The following SLCO3A1 variants were observed in gnomAD, a reference collection of about 807,000 sequenced individuals.
SLCO3A1 encodes the protein solute carrier organic anion transporter family member 3A1, also known as PGE1 transporter.
SLCO3A1 carries 27 observed loss-of-function variants against 63.1 expected under a neutral mutation model. That is an observed-to-expected ratio of 0.43 (90% CI 0.32 to 0.59). SLCO3A1 has a LOEUF of 0.59. Ranked by LOEUF, SLCO3A1 falls within the 20% of genes least tolerant of loss-of-function variation. The pLI is 0.09. For missense variants in SLCO3A1, 773 were observed against 945.8 expected, an observed-to-expected ratio of 0.82 and a Z score of 2.40; for synonymous variants, 473 against 409.9, an observed-to-expected ratio of 1.15 and a Z score of -1.86.
intron 2 of SLCO3A1, among the ~76,000 whole-genome samples, chr15:92,078,693 T>C (rs967833476): frequency 1.3e-5 from 2 of 152,242 alleles, no homozygotes; most frequent in African/African-American, 4.8e-5. Context: ...TCCCACTTAC[T>C]GTACATGTAT....
chr15:92,154,650 G>A (rs1022292493), intron 9 of SLCO3A1, among the ~76,000 whole-genome samples: 5 of 152,058 alleles, frequency 3.3e-5, no homozygotes, highest in African/African-American at 4.8e-5. Flanking sequence ...ATGTGAGATC[G>A]GTCTCCCTTG....
intron 7 of SLCO3A1, among the ~76,000 whole-genome samples, chr15:92,128,723 G>T (rs1047966063): frequency 1.3e-5 from 2 of 152,206 alleles, no homozygotes; most frequent in Non-Finnish European, 1.5e-5. Flanking sequence ...TTCAAAGGAA[G>T]CTGTATATAT....
At chr15:91,937,092 G>T (rs950149951) in intron 2 of SLCO3A1, among the ~76,000 whole-genome samples, 31 of 152,164 alleles carry the variant, frequency 2.0e-4, no homozygotes, top group Non-Finnish European at 4.1e-4. Context: ...ATGAGAAGTG[G>T]GTGAAGGGTG....
In SLCO3A1 at chr15:92,104,419, G is replaced by A. The variant is rs367922921; in HGVS notation, c.886G>A (p.Ala296Thr). ...PQSLPPHSEPAMESEQAMLSE... is the reference protein window; with the variant it reads ...PQSLPPHSEPTMESEQAMLSE... Reference sequence around the variant, plus strand: ...GTCCCTGCCCCCGCACTCAGAGCCCGCCATGGAAAGCGAGCAGGCCATGCT... The same window carrying A: ...GTCCCTGCCCCCGCACTCAGAGCCCACCATGGAAAGCGAGCAGGCCATGCT... Residue 296 changes from alanine to threonine, a missense_variant, in exon 4 of 10, where the codon GCC (alanine) becomes ACC (threonine). Around this residue, in one of 3 missense-constraint regions of SLCO3A1, gnomAD observed 565 missense variants for 749.8 expected, o/e 0.75. Coordinates refer to ENST00000318445, the MANE Select transcript of SLCO3A1 (RefSeq NM_013272.4). The A allele has an allele frequency of 3.7e-5, 59 of 1,613,956 alleles. No individual in the cohort carries two copies. In the Middle Eastern group the frequency reaches 1.2e-3, roughly 31 times the overall value.
intron 2 of SLCO3A1, among the ~76,000 whole-genome samples, chr15:91,925,386 C>A (rs1480431242): frequency 6.6e-6 from 1 of 151,624 alleles, no homozygotes; most frequent in Non-Finnish European, 1.5e-5. Context: ...GAAGTAAGTT[C>A]TTCATTGCTA....
At chr15:91,857,733 T>C (rs1204710732) in intron 1 of SLCO3A1, among the ~76,000 whole-genome samples, 2 of 152,122 alleles carry the variant, frequency 1.3e-5, no homozygotes, top group Non-Finnish European at 2.9e-5. Context: ...GAGGTTTCTG[T>C]GTGGTATCAA....
intron 2 of SLCO3A1, among the ~76,000 whole-genome samples, chr15:92,038,857 T>A (rs1394088399): frequency 6.6e-6 from 1 of 152,126 alleles, no homozygotes; most frequent in Non-Finnish European, 1.5e-5. Flanking sequence ...CAAACTATAC[T>A]ACAAGGCTAC....
chr15:91,907,139 T>G (rs1035976056), intron 1 of SLCO3A1, among the ~76,000 whole-genome samples: 8 of 152,102 alleles, frequency 5.3e-5, no homozygotes, highest in Non-Finnish European at 1.2e-4. Flanking sequence ...GTGCAAATAG[T>G]GAAGTAGAGA....
chr15:92,109,192 A>G (rs1288694461), intron 4 of SLCO3A1, among the ~76,000 whole-genome samples: 2 of 152,168 alleles, frequency 1.3e-5, no homozygotes, highest in Non-Finnish European at 2.9e-5. Flanking sequence ...CATCGGTACC[A>G]CTTACCAGTA....
intron 2 of SLCO3A1, among the ~76,000 whole-genome samples, chr15:92,067,465 C>CTGGA (rs1322357284): frequency 1.3e-5 from 2 of 152,208 alleles, no homozygotes; most frequent in Admixed American, 1.3e-4. Flanking sequence ...AGAGACTGAA[C>CTGGA]TGGAATCTTT....
In SLCO3A1 at chr15:91,854,258, C is replaced by T. The variant is rs1025222266; in HGVS notation, c.180+170C>T. ...GGCGGCCGCCGGGGGAGCTGCCGGC[C>T]GGGGCTGCCAGCGAGCGGGTAGCGG... On this transcript the variant is annotated intron_variant, in intron 1 of 9. Coordinates refer to ENST00000318445, the MANE Select transcript of SLCO3A1 (RefSeq NM_013272.4). The surrounding 1 kb of genome is among the most constrained non-coding windows in gnomAD (Gnocchi z 6.4). 1.8e-6 allele frequency: 2 copies of T among 1,084,056 alleles called. No homozygotes were observed. The highest frequency in any genetic ancestry group is 4.6e-5 in the South Asian group (1 of 21,770). The allele number at this position is 1,084,056 out of a possible 1,614,324, so 67.2% of individuals were successfully genotyped here. A position where few individuals can be genotyped will look rare whatever the true frequency, so the allele number is the denominator to read the frequency against.
chr15:92,115,375 G>A (rs944573076), intron 4 of SLCO3A1, among the ~76,000 whole-genome samples: 18 of 152,004 alleles, frequency 1.2e-4, no homozygotes, highest in African/African-American at 3.6e-4. Flanking sequence ...ACCAAGCAGC[G>A]CACACAGATA....
intron 2 of SLCO3A1, among the ~76,000 whole-genome samples, chr15:92,023,793 T>C (rs1030164159): frequency 3.3e-5 from 5 of 152,224 alleles, no homozygotes; most frequent in African/African-American, 1.2e-4. Flanking sequence ...ATAAACAAAC[T>C]TAACTTTAAA....
At chr15:92,061,739 A>G (rs923600014) in intron 2 of SLCO3A1, among the ~76,000 whole-genome samples, 1 of 152,152 alleles carries the variant, frequency 6.6e-6, no homozygotes, top group Non-Finnish European at 1.5e-5. Context: ...TGCTAGCAAA[A>G]CAGGCCAGAA....
At chr15:92,031,910 G>A (rs186966448) in intron 2 of SLCO3A1, among the ~76,000 whole-genome samples, 48 of 152,236 alleles carry the variant, frequency 3.2e-4, no homozygotes, top group Admixed American at 9.2e-4. Flanking sequence ...GCGTTTCATC[G>A]TGGACCGTGC....
intron 2 of SLCO3A1, among the ~76,000 whole-genome samples, chr15:92,083,788 T>G (rs1014914643): frequency 6.6e-6 from 1 of 152,218 alleles, no homozygotes; most frequent in Admixed American, 6.5e-5. Flanking sequence ...CTAAAATTTA[T>G]TGAGCACTTA....
At chr15:92,056,783 A>T (rs1043542624) in intron 2 of SLCO3A1, among the ~76,000 whole-genome samples, 4 of 152,146 alleles carry the variant, frequency 2.6e-5, no homozygotes, top group African/African-American at 9.7e-5. Flanking sequence ...CAGCATGGGT[A>T]GGGTTTATGG....
rs1304258518 is a variant in SLCO3A1 at position 92,163,786 on chromosome 15, C to T, written c.*651C>T. On this transcript the variant is annotated 3_prime_UTR_variant, in exon 10 of 10. Transcript: ENST00000318445. ...CTCTCAGTGATGCTAATGGGTGATC[C>T]GTGCTGGAGTTTGTAATTGGCACCT... The T allele has an allele frequency of 4.1e-6, 4 of 985,246 alleles. No homozygotes were observed. The highest frequency in any genetic ancestry group is 4.7e-5 in the South Asian group (1 of 21,282). 61.0% of individuals were successfully genotyped at this position (985,246 alleles called of 1,614,324 possible). A position where few individuals can be genotyped will look rare whatever the true frequency, so the allele number is the denominator to read the frequency against.
At chr15:91,974,139 T>A (rs1720129824) in intron 2 of SLCO3A1, among the ~76,000 whole-genome samples, 1 of 151,966 alleles carries the variant, frequency 6.6e-6, no homozygotes, top group South Asian at 2.1e-4. Context: ...ATGTGGGACA[T>A]CACTCAAGGC....
Sources: allele counts gnomAD v4.1 joint callset (sites outside exome capture counted in the v4.1 genomes callset), GRCh38; gene constraint gnomAD v4.1.1; regional missense constraint gnomAD v4.1.1; non-coding constraint Gnocchi (gnomAD v3.1); transcripts MANE v1.5; gene names NCBI Gene and HGNC (gene_info 2026-07-23, HGNC 2026-07-21).